KCTD14: variants seen among roughly 807,000 people sequenced by gnomAD.
KCTD14 encodes the protein potassium channel tetramerization domain containing 14.
Under a neutral mutation model 5.9 loss-of-function variants are expected in KCTD14, and 7 were observed. The observed-to-expected ratio is 1.19, with a 90% CI of 0.68 to 2.23. The LOEUF is 2.23. Ranked by LOEUF, KCTD14 falls within the 30% of genes most tolerant of loss-of-function variation. KCTD14 has a pLI of 0.00. For missense variants in KCTD14, 342 were observed against 332.2 expected (o/e 1.03, Z -0.23); for synonymous variants, 140 against 133.1 (o/e 1.05, Z -0.36).
Position 78,016,990 on chromosome 11 carries a change from T to A in KCTD14, c.371A>T (p.Asp124Val). 6.2e-7 allele frequency: 1 copy of A among 1,614,178 alleles called. No homozygotes were observed. The highest frequency in any genetic ancestry group is 8.5e-7 in the Non-Finnish European group (1 of 1,180,038). ...EIKPLVKLLE[D>V]MPQIFGEQVS... ...CTGCTCACCAAAGATCTGTGGCATG[T>A]CCTCCAGCAGCTTGACCAAAGGCTT... Residue 124 changes from aspartate to valine, a missense_variant, in exon 2 of 2, where the codon GAC becomes GTC. Asp to Val is a radical substitution (Grantham distance 152). Coordinates refer to ENST00000353172, the MANE Select transcript of KCTD14 (RefSeq NM_023930.4).
In KCTD14 at chr11:78,018,902, T is replaced by G. The variant is rs1012283253; in HGVS notation, c.91-1632A>C. On this transcript the variant is annotated intron_variant, in intron 1 of 1. Coordinates refer to ENST00000353172, the MANE Select transcript of KCTD14 (RefSeq NM_023930.4). ...TCATTCAGGAAGAATTTCTTGGGTA[T>G]TTACTATGTATCCACATCCTGTGCT... Among the ~76,000 whole-genome samples, 6 of 152,306 alleles carry G rather than the reference T, an allele frequency of 3.9e-5. No homozygotes were observed. In the East Asian group the frequency reaches 1.2e-3, roughly 29 times the overall value.
At chr11:78,023,518 C>CTT (rs113012783), upstream of KCTD14, 176 of 365,246 alleles carry the variant, frequency 4.8e-4, no homozygotes, top group African/African-American at 1.1e-3. Context: ...TTCTTTCTTT[C>CTT]TTTTTTTTTT....
intron 1 of KCTD14, among the ~76,000 whole-genome samples, chr11:78,043,303 T>C (rs959964013): frequency 6.6e-6 from 1 of 152,222 alleles, no homozygotes; most frequent in Non-Finnish European, 1.5e-5. Flanking sequence ...TCAATATCCA[T>C]TCATTAGAAT....
chr11:78,040,732 G>A (rs1457781469), intron 1 of KCTD14, among the ~76,000 whole-genome samples: 5 of 151,784 alleles, frequency 3.3e-5, no homozygotes, highest in Non-Finnish European at 4.4e-5. Context: ...GTGCAATGGC[G>A]TGATCTTGGC....
chr11:78,042,230 G>A (rs1329069003), intron 1 of KCTD14, among the ~76,000 whole-genome samples: 1 of 152,198 alleles, frequency 6.6e-6, no homozygotes, highest in Non-Finnish European at 1.5e-5. Flanking sequence ...GATAATGGCT[G>A]GACACGGTGG....
exon 2 of KCTD14, chr11:78,038,752 T>A: frequency 4.6e-6 from 7 of 1,535,706 alleles, no homozygotes; most frequent in Non-Finnish European, 6.1e-6. Context: ...GAGGCCAATG[T>A]CACCCCCTGA....
At chr11:78,027,368 A>ATTTT (rs60411445), upstream of KCTD14, among the ~76,000 whole-genome samples, 760 of 145,420 alleles carry the variant, frequency 5.2e-3, 6 homozygotes, top group East Asian at 7.5e-3. Flanking sequence ...CCCCATCCCT[A>ATTTT]TTTTTTTTTT....
intron 2 of KCTD14, among the ~76,000 whole-genome samples, chr11:78,037,020 A>G (rs1364851864): frequency 1.3e-5 from 2 of 152,230 alleles, no homozygotes; most frequent in Admixed American, 6.5e-5. Context: ...TGACTTTCCC[A>G]AAGTCACGGA....
At chr11:78,031,410 G>C (rs1360420863) in intron 2 of KCTD14, among the ~76,000 whole-genome samples, 1 of 151,942 alleles carries the variant, frequency 6.6e-6, no homozygotes, top group Non-Finnish European at 1.5e-5. Context: ...ACAGGGTCTT[G>C]CTCTGTTGCC....
intron 1 of KCTD14, among the ~76,000 whole-genome samples, chr11:78,043,302 A>G (rs1161469449): frequency 1.3e-5 from 2 of 152,248 alleles, no homozygotes; most frequent in Non-Finnish European, 2.9e-5. Context: ...CTCAATATCC[A>G]TTCATTAGAA....
chr11:78,024,392 AAAAAAAT>A (rs1249980388), upstream of KCTD14, among the ~76,000 whole-genome samples: 3 of 115,132 alleles, frequency 2.6e-5, no homozygotes, highest in African/African-American at 1.0e-4. Flanking sequence ...AAAAAAAAAA[AAAAAAAT>A]ATATATATAT....
rs772832637 is a variant in KCTD14, at chr11:78,017,219, G to A, written c.142C>T (p.Leu48=). ...NVGGEFHTTT[L]GTLRKFPGSK... ...CCCGGAAACTTCCTCAGGGTACCCAGGGTGGTGGTGTGGAACTCACCCCCG... is the reference window on the plus strand; with the variant it reads ...CCCGGAAACTTCCTCAGGGTACCCAAGGTGGTGGTGTGGAACTCACCCCCG... The change falls in exon 2 of 2, where the codon CTG becomes TTG. Residue 48 remains leucine, a synonymous_variant. Transcript: ENST00000353172. 8.1e-6 allele frequency: 13 copies of A among 1,611,940 alleles called. No individual in the cohort carries two copies. The highest frequency in any genetic ancestry group is 1.1e-5 in the Non-Finnish European group (13 of 1,178,212).
chr11:78,039,451 C>A (rs1049500594), intron 1 of KCTD14, among the ~76,000 whole-genome samples: 4 of 151,958 alleles, frequency 2.6e-5, no homozygotes, highest in Admixed American at 6.6e-5. Flanking sequence ...ATTGCTTGAG[C>A]CCCAGTAGTT....
chr11:78,026,280 T>C (rs1410368534), upstream of KCTD14, among the ~76,000 whole-genome samples: 1 of 151,766 alleles, frequency 6.6e-6, no homozygotes, highest in African/African-American at 2.4e-5. Flanking sequence ...CTACTAAAAA[T>C]GTAAAAATTA....
intron 1 of KCTD14, chr11:78,046,031 G>C (rs192901579): frequency 1.1e-6 from 1 of 905,462 alleles, no homozygotes; most frequent in African/African-American, 1.8e-5. Context: ...CCAGAATAAT[G>C]GCCTGCACTT....
At chr11:78,031,310 A>C (rs2372894) in intron 2 of KCTD14, among the ~76,000 whole-genome samples, 10,743 of 152,078 alleles carry the variant, frequency 0.071, 1,221 homozygotes, top group African/African-American at 0.25. Context: ...GGCCTCCCAA[A>C]GTACTGAGAT....
At chr11:78,044,879 G>A (rs114897229) in intron 1 of KCTD14, among the ~76,000 whole-genome samples, 1,558 of 152,238 alleles carry the variant, frequency 0.01, 29 homozygotes, top group African/African-American at 0.037. Flanking sequence ...GGGGTTTTGC[G>A]CCTCCCCTCC....
At chr11:78,041,554 C>T (rs1191031062) in intron 1 of KCTD14, among the ~76,000 whole-genome samples, 2 of 152,212 alleles carry the variant, frequency 1.3e-5, no homozygotes, top group African/African-American at 2.4e-5. Flanking sequence ...GGATATAAAC[C>T]CAGGCACTGG....
chr11:78,037,272 A>T (rs1227514719), intron 2 of KCTD14, among the ~76,000 whole-genome samples: 1 of 152,256 alleles, frequency 6.6e-6, no homozygotes, highest in South Asian at 2.1e-4. Flanking sequence ...CAGCCCAGCC[A>T]GGACACATCC....
Sources: gnomAD v4.1 joint callset for allele counts (sites outside exome capture counted in the v4.1 genomes callset) on GRCh38, gnomAD v4.1.1 for gene constraint, MANE v1.5 for transcripts, NCBI Gene and HGNC (gene_info 2026-07-23, HGNC 2026-07-21) for gene names.